Variants in GAREM1 observed in about 807,000 individuals in gnomAD.
The protein encoded by GAREM1 is GRB2 associated regulator of MAPK1 subtype 1.
A neutral mutation model predicts 71.3 loss-of-function variants in GAREM1; 26 were observed. The ratio of observed to expected loss-of-function variants is 0.36; its 90% confidence interval spans 0.27 to 0.51. The LOEUF is 0.51. GAREM1 is among the 20% of genes least tolerant of loss of function. GAREM1 has a pLI of 0.95. For missense variants in GAREM1, 1,026 were observed against 1,103.1 expected (o/e 0.93, Z 0.99); for synonymous variants, 440 against 433.2 (o/e 1.02, Z -0.20).
intron 1 of GAREM1, among the ~76,000 whole-genome samples, chr18:32,406,321 G>A (rs1363852508): frequency 3.9e-5 from 6 of 152,040 alleles, no homozygotes; most frequent in Non-Finnish European, 7.4e-5. Flanking sequence ...GAGCCACCGC[G>A]CCCAGCCTAG....
chr18:32,438,749 A>G (rs1215122186), intron 1 of GAREM1, among the ~76,000 whole-genome samples: 1 of 152,206 alleles, frequency 6.6e-6, no homozygotes, highest in East Asian at 1.9e-4. Flanking sequence ...CTATAATAAC[A>G]TTACCTTCCG....
intron 1 of GAREM1, among the ~76,000 whole-genome samples, chr18:32,452,522 C>T (rs148080518): frequency 1.3e-5 from 2 of 152,268 alleles, no homozygotes; most frequent in African/African-American, 4.8e-5. Context: ...TTCTATTAAA[C>T]CTGTCCCAAG....
At chr18:32,436,088 T>C (rs2048674890) in intron 1 of GAREM1, among the ~76,000 whole-genome samples, 2 of 152,162 alleles carry the variant, frequency 1.3e-5, no homozygotes, top group South Asian at 4.2e-4. Context: ...ATAAAATATA[T>C]CAAAGGGGAT....
chr18:32,289,130 G>A (rs1328145410), intron 3 of GAREM1, among the ~76,000 whole-genome samples: 2 of 152,140 alleles, frequency 1.3e-5, no homozygotes, highest in Non-Finnish European at 2.9e-5. Flanking sequence ...CCAGGCTGGA[G>A]TGCAGCAGCA....
intron 4 of GAREM1, among the ~76,000 whole-genome samples, chr18:32,279,396 TC>T (rs934378690): frequency 3.3e-5 from 5 of 152,172 alleles, no homozygotes; most frequent in African/African-American, 1.2e-4. Context: ...TCCTGTGAGA[TC>T]AGTGGCAGCA....
At chr18:32,301,640 G>A (rs1027784104) in intron 3 of GAREM1, among the ~76,000 whole-genome samples, 2 of 152,142 alleles carry the variant, frequency 1.3e-5, no homozygotes, top group Admixed American at 6.5e-5. Context: ...AGAACTAATC[G>A]TGTTTCAATC....
intron 1 of GAREM1, among the ~76,000 whole-genome samples, chr18:32,463,987 TAAAA>T (rs558638151): frequency 4.9e-5 from 6 of 123,304 alleles, no homozygotes; most frequent in African/African-American, 6.1e-5. Flanking sequence ...AGTACGTGGT[TAAAA>T]AAAAAAAAAA....
chr18:32,366,058 T>G (rs998506939), intron 2 of GAREM1, among the ~76,000 whole-genome samples: 4 of 152,128 alleles, frequency 2.6e-5, no homozygotes, highest in Admixed American at 2.0e-4. Flanking sequence ...GCACCAGTAG[T>G]TTCAAATGAG....
At chr18:32,342,737 T>C (rs1291160729) in intron 2 of GAREM1, among the ~76,000 whole-genome samples, 1 of 152,164 alleles carries the variant, frequency 6.6e-6, no homozygotes, top group Non-Finnish European at 1.5e-5. Context: ...GAATAAATAA[T>C]TGAATACTAT....
chr18:32,360,859 TG>T lies in GAREM1; in HGVS notation c.262+32035del, dbSNP rs545329833. On this transcript the variant is annotated intron_variant, in intron 2 of 5. Transcript: ENST00000269209. ...ATTTGTTCTTCACTTCATGTTCCTT[TG>T]TTTTGGGAGAGAACAAGTATTAAAC... Among the ~76,000 whole-genome samples the T allele has an allele frequency of 3.5e-3, 529 of 152,356 alleles. 2 individuals carry two copies. Among genetic ancestry groups the T allele is most frequent in the Non-Finnish European group, 6.1e-3 (417 of 68,028 alleles).
intron 2 of GAREM1, among the ~76,000 whole-genome samples, chr18:32,371,628 G>A (rs2047981075): frequency 6.6e-6 from 1 of 152,070 alleles, no homozygotes. Context: ...AGGGTGGGTA[G>A]TAAGTCTGGC....
rs1289003403 is a variant in GAREM1, at chr18:32,266,428, G to C, written c.*1443C>G. The C allele has an allele frequency of 1.3e-5, 2 of 152,148 alleles. No individual in the cohort carries two copies. The highest frequency in any genetic ancestry group is 4.8e-5 in the African/African-American group (2 of 41,428). The allele number at this position is 152,148 out of a possible 1,614,324, so 9.4% of individuals were successfully genotyped here. ...CGGTCATGGGCTGTCCGCACATCTG[G>C]AATCTGGGGCCAGACTCTCAGGTGC... is the stretch of plus-strand genomic sequence containing the variant. On this transcript the variant is annotated 3_prime_UTR_variant, in exon 6 of 6. Transcript: ENST00000269209.
At chr18:32,346,623 GTTCTGC>G (rs1193788855) in intron 2 of GAREM1, among the ~76,000 whole-genome samples, 1 of 152,150 alleles carries the variant, frequency 6.6e-6, no homozygotes, top group African/African-American at 2.4e-5. Context: ...ATGGTTTACT[GTTCTGC>G]TTATGTTTTT....
intron 4 of GAREM1, among the ~76,000 whole-genome samples, chr18:32,279,350 G>T (rs1387455663): frequency 1.3e-5 from 2 of 152,184 alleles, no homozygotes; most frequent in Non-Finnish European, 2.9e-5. Context: ...ATTTACAGCT[G>T]CTCTCCATCC....
intron 2 of GAREM1, among the ~76,000 whole-genome samples, chr18:32,385,351 T>C (rs1895696515): frequency 6.6e-6 from 1 of 152,098 alleles, no homozygotes; most frequent in Non-Finnish European, 1.5e-5. Context: ...TCAGTTTCCT[T>C]ACTTGAAACT....
At position 32,338,092 on chromosome 18, in the gene GAREM1, T is replaced by G. The variant is rs141679143; in HGVS notation, c.263-27769A>C. Among the ~76,000 whole-genome samples, 37 of 152,240 alleles carry G rather than the reference T, an allele frequency of 2.4e-4. 1 individual carries two copies. In the East Asian group the frequency reaches 7.0e-3, roughly 29 times the overall value. ...TCTTCAGAGTTTCAATACTTACTCA[T>G]CCACAAATACAAAAAATGCAGACGG... On this transcript the variant is annotated intron_variant, in intron 2 of 5. Transcript: ENST00000269209.
chr18:32,344,852 G>A (rs1300087459), intron 2 of GAREM1, among the ~76,000 whole-genome samples: 5 of 152,140 alleles, frequency 3.3e-5, no homozygotes, highest in Non-Finnish European at 7.3e-5. Context: ...ACAAGGTCAG[G>A]AGTTTGAGAC....
chr18:32,333,829 A>G (rs1374880618), intron 2 of GAREM1, among the ~76,000 whole-genome samples: 1 of 152,160 alleles, frequency 6.6e-6, no homozygotes, highest in Non-Finnish European at 1.5e-5. Flanking sequence ...GGTGCTTATC[A>G]TTGGTGTCAA....
chr18:32,344,625 GT>G (rs1358416682), intron 2 of GAREM1, among the ~76,000 whole-genome samples: 1 of 151,860 alleles, frequency 6.6e-6, no homozygotes, highest in African/African-American at 2.4e-5. Flanking sequence ...AATTATATGG[GT>G]AAAAAAATTA....
Sources: gnomAD v4.1 joint callset for allele counts (sites outside exome capture counted in the v4.1 genomes callset) on GRCh38, gnomAD v4.1.1 for gene constraint, MANE v1.5 for transcripts, NCBI Gene and HGNC (gene_info 2026-07-23, HGNC 2026-07-21) for gene names.